Variants in OTOGL observed in about 807,000 individuals in gnomAD.
OTOGL encodes the protein otogelin like, also known as otogelin-like protein.
OTOGL carries 285 observed loss-of-function variants against 318.5 expected under a neutral mutation model. That is an observed-to-expected ratio of 0.89 (90% CI 0.81 to 0.99). The LOEUF is 0.99. Ranked by LOEUF, OTOGL falls within the 50% of genes least tolerant of loss-of-function variation. The pLI is 0.00. For missense variants in OTOGL, 2,899 were observed against 2,845.6 expected (o/e 1.02, Z -0.43); for synonymous variants, 987 against 936.5 (o/e 1.05, Z -0.99).
At chr12:80,255,372 T>C (rs1881942992) in intron 16 of OTOGL, among the ~76,000 whole-genome samples, 187 bp downstream of exon 16, 1 of 152,082 alleles carries the variant, frequency 6.6e-6, no homozygotes, top group Non-Finnish European at 1.5e-5. Flanking sequence ...TTCTATGACA[T>C]ACCATTGGTT....
At chr12:80,278,330 A>G in intron 25 of OTOGL, 55 bp downstream of exon 25, 2 of 1,330,112 alleles carry the variant, frequency 1.5e-6, no homozygotes, top group Non-Finnish European at 2.1e-6. Flanking sequence ...TGTAAATTTC[A>G]ATCATCTTTT....
At chr12:80,135,853 C>G (rs117671703) in intron 1 of OTOGL, among the ~76,000 whole-genome samples, 3,213 of 152,254 alleles carry the variant, frequency 0.021, 64 homozygotes, top group Admixed American at 0.066. Flanking sequence ...CTGAGTAGAA[C>G]AGAAAGGCCG....
intron 18 of OTOGL, 30 bp from the exon 19 acceptor site, chr12:80,261,939 A>G (rs916710308): frequency 6.2e-7 from 1 of 1,604,470 alleles, no homozygotes; most frequent in Non-Finnish European, 8.5e-7. Flanking sequence ...TGAGAGATAC[A>G]TGAAGATGAG....
intron 1 of OTOGL, among the ~76,000 whole-genome samples, chr12:80,163,727 T>G (rs1244850348): frequency 1.3e-5 from 2 of 152,156 alleles, no homozygotes; most frequent in Non-Finnish European, 2.9e-5. Context: ...TCTTTCATTT[T>G]TCTTTTGGGA....
At chr12:80,230,415 A>G (rs77699434) in intron 8 of OTOGL, among the ~76,000 whole-genome samples, 126 of 152,322 alleles carry the variant, frequency 8.3e-4, no homozygotes, top group African/African-American at 2.9e-3. Context: ...AAGATAATGC[A>G]GTTACACGTG....
chr12:80,366,626 A>C lies in OTOGL; in HGVS notation c.6320A>C (p.Gln2107Pro). The C allele has an allele frequency of 7.1e-7, 1 of 1,407,960 alleles. No homozygotes were observed. The highest frequency in any genetic ancestry group is 2.7e-5 in the East Asian group (1 of 37,524). The allele number at this position is 1,407,960 out of a possible 1,614,324, so 87.2% of individuals were successfully genotyped here. ...TTCCAGAGTGATTGTGGATGCATACAGTATCTCTGTGGTAACTATGTCTTT... is the reference window on the plus strand; with the variant it reads ...TTCCAGAGTGATTGTGGATGCATACCGTATCTCTGTGGTAACTATGTCTTT... Reference protein sequence around the residue: ...HNFQSDCGCIQYLCEKDDVCV... With the variant: ...HNFQSDCGCIPYLCEKDDVCV... Residue 2107 changes from glutamine (Q) to proline (P), a missense_variant, in exon 53 of 59, where the codon CAG (glutamine) becomes CCG (proline). Gln to Pro is a moderately conservative substitution (Grantham distance 76). This residue lies in a region of OTOGL where 289 missense variants were observed against 304.6 expected (regional missense o/e 0.95). Transcript: ENST00000547103.
At chr12:80,305,162 C>G (rs983250005) in intron 28 of OTOGL, among the ~76,000 whole-genome samples, 8 of 151,956 alleles carry the variant, frequency 5.3e-5, no homozygotes, top group Non-Finnish European at 1.0e-4. Flanking sequence ...TTGTTTCTAA[C>G]AAGGATGGGA....
intron 26 of OTOGL, among the ~76,000 whole-genome samples, chr12:80,281,179 CT>C (rs1489628953): frequency 1.3e-5 from 2 of 151,574 alleles, no homozygotes; most frequent in East Asian, 3.9e-4. Flanking sequence ...ATTTGGATGC[CT>C]TTTATTTATT....
At chr12:80,225,577 G>A (rs186349889) in intron 7 of OTOGL, among the ~76,000 whole-genome samples, 2 of 151,976 alleles carry the variant, frequency 1.3e-5, no homozygotes, top group African/African-American at 4.8e-5. Flanking sequence ...AGTTACCATT[G>A]GTTAACAGCT....
At chr12:80,268,037 C>G (rs1323181501) in intron 22 of OTOGL, among the ~76,000 whole-genome samples, 1 of 151,844 alleles carries the variant, frequency 6.6e-6, no homozygotes, top group East Asian at 1.9e-4. Context: ...TGCCTCCTCC[C>G]CAGGCCCATC....
intron 7 of OTOGL, among the ~76,000 whole-genome samples, chr12:80,222,816 T>G (rs987844486): frequency 1.3e-5 from 2 of 152,206 alleles, no homozygotes; most frequent in Non-Finnish European, 2.9e-5. Context: ...TTTGAATCTC[T>G]GTTATGCTTT....
chr12:80,107,532 G>T (rs1869525952), intron 1 of OTOGL, among the ~76,000 whole-genome samples: 1 of 152,138 alleles, frequency 6.6e-6, no homozygotes, highest in African/African-American at 2.4e-5. Flanking sequence ...ATTGTAGAAA[G>T]CAGTGTGGTG....
chr12:80,332,158 CAAAG>C (rs1296321200), intron 37 of OTOGL, among the ~76,000 whole-genome samples: 1 of 151,934 alleles, frequency 6.6e-6, no homozygotes, highest in Non-Finnish European at 1.5e-5. Flanking sequence ...TGAAAATTGA[CAAAG>C]AAAAATTGTA....
At chr12:80,273,471 G>A (rs1382747799) in intron 24 of OTOGL, among the ~76,000 whole-genome samples, 3 of 152,038 alleles carry the variant, frequency 2.0e-5, no homozygotes, top group Non-Finnish European at 4.4e-5. Flanking sequence ...TGGCTTCTAT[G>A]CTGGCCCTCC....
chr12:80,377,764 T>A (rs1891246232), intron 58 of OTOGL, 84 bp from the exon 59 acceptor site: 4 of 1,083,418 alleles, frequency 3.7e-6, no homozygotes, highest in South Asian at 3.2e-5. Context: ...AGAAAGATTT[T>A]CATCAGATTT....
intron 11 of OTOGL, among the ~76,000 whole-genome samples, chr12:80,241,529 A>T (rs759816850): frequency 6.6e-6 from 1 of 151,916 alleles, no homozygotes; most frequent in Admixed American, 6.6e-5. Flanking sequence ...ACATATATGG[A>T]ATTAAAATTG....
chr12:80,355,828 G>T lies in OTOGL; in HGVS notation c.5686G>T (p.Gly1896Ter), dbSNP rs1342307326. The change falls in exon 47 of 59, where the codon GGA (glycine) becomes TGA (stop). Residue 1896 changes from glycine to a stop codon, truncating the protein, a stop_gained. Coordinates refer to ENST00000547103, the MANE Select transcript of OTOGL (RefSeq NM_001378609.3). LOFTEE classifies it high-confidence loss of function. ...CACTCTATACAAATGTTTGGAGAATGGAAGCATTATCCCTATAGAACCTGA... is the reference window on the plus strand; with the variant it reads ...CACTCTATACAAATGTTTGGAGAATTGAAGCATTATCCCTATAGAACCTGA... ...ECTLYKCLEN[G>*]SIIPIEPDCD... 1 of 1,613,918 alleles carries T rather than the reference G, an allele frequency of 6.2e-7. No individual in the cohort carries two copies. The highest frequency in any genetic ancestry group is 1.3e-5 in the African/African-American group (1 of 75,024).
At chr12:80,210,594 A>G (rs1276164959) in intron 2 of OTOGL, among the ~76,000 whole-genome samples, 1 of 152,152 alleles carries the variant, frequency 6.6e-6, no homozygotes, top group African/African-American at 2.4e-5. Context: ...CTCTGATTCC[A>G]AGGCTAGTGT....
In OTOGL at chr12:80,373,573, G is replaced by C. The variant is rs560692699; in HGVS notation, c.6781+1509G>C. Among the ~76,000 whole-genome samples, 3 of 152,028 alleles carry C rather than the reference G, an allele frequency of 2.0e-5. No homozygotes were observed. In the South Asian group the frequency reaches 6.2e-4, roughly 32 times the overall value. The stretch of plus-strand genomic sequence containing the variant: ...GACTAAATCCCATAAATATGTAAGA[G>C]TAGTCTTATATTTTTAGATATGTAG... On this transcript the variant is annotated intron_variant, in intron 57 of 58. Transcript: ENST00000547103.
Sources: allele counts gnomAD v4.1 joint callset (sites outside exome capture counted in the v4.1 genomes callset), GRCh38; gene constraint gnomAD v4.1.1; regional missense constraint gnomAD v4.1.1; transcripts MANE v1.5; gene names NCBI Gene and HGNC (gene_info 2026-07-23, HGNC 2026-07-21).